Variants in CYP24A1 observed in about 807,000 individuals in gnomAD.
CYP24A1 encodes the protein cytochrome P450 family 24 subfamily A member 1.
A neutral mutation model predicts 62.4 loss-of-function variants in CYP24A1; 68 were observed. The observed-to-expected ratio is 1.09, with a 90% CI of 0.90 to 1.33. The LOEUF (loss-of-function observed/expected upper bound fraction) is 1.33. Among genes scored for constraint, CYP24A1 ranks in the 40% most tolerant of loss-of-function variants. The probability of loss-of-function intolerance (pLI) is 0.00; values close to 1 mark genes in which losing one functional copy is unlikely to be tolerated. For missense variants in CYP24A1, 787 were observed against 653.0 expected (o/e 1.21, Z -2.24); for synonymous variants, 267 against 253.0 (o/e 1.06, Z -0.52).
intron 8 of CYP24A1, 102 bp from the exon 9 acceptor site, chr20:54,158,266 C>T (rs1193736564): frequency 6.4e-6 from 10 of 1,566,898 alleles, no homozygotes; most frequent in South Asian, 3.5e-5. Context: ...TGCCCAAGTG[C>T]ATACTCAAAG....
chr20:54,164,511 C>T lies in CYP24A1; in HGVS notation c.785G>A (p.Ser262Asn). ...GTCCTGCCAGACCTTGGTGTTGAGG[C>T]TCTTGTGCAGCTCGACTGGAGTGAC... is the stretch of plus-strand genomic sequence containing the variant. ...MMVTPVELHK[S>N]LNTKVWQDHT... is the part of the protein sequence containing the mutation. The change falls in exon 6 of 12, where the codon AGC becomes AAC. Residue 262 changes from serine to asparagine, a missense_variant. Coordinates refer to ENST00000216862, the MANE Select transcript of CYP24A1 (RefSeq NM_000782.5). 1 of 1,614,120 alleles carries T rather than the reference C, an allele frequency of 6.2e-7. No homozygotes were observed. Among genetic ancestry groups the T allele is most frequent in the Non-Finnish European group, 8.5e-7 (1 of 1,180,022 alleles).
At chr20:54,155,768 T>G (rs1167934119) in intron 11 of CYP24A1, among the ~76,000 whole-genome samples, 2 of 151,450 alleles carry the variant, frequency 1.3e-5, no homozygotes, top group East Asian at 3.9e-4. Context: ...AATTAGGGCC[T>G]TCTTAGGCTA....
chr20:54,158,214 T>C, intron 8 of CYP24A1, 50 bp from the exon 9 acceptor site: 1 of 1,610,094 alleles, frequency 6.2e-7, no homozygotes, highest in South Asian at 1.1e-5. Flanking sequence ...CTAAGTTCTC[T>C]CTGAAGTGTC....
downstream of CYP24A1, among the ~76,000 whole-genome samples, chr20:54,149,297 G>A (rs113257291): frequency 2.0e-3 from 306 of 152,268 alleles, 2 homozygotes; most frequent in African/African-American, 7.2e-3. Flanking sequence ...TAGTGACTCA[G>A]GGCAATTGTG....
intron 7 of CYP24A1, among the ~76,000 whole-genome samples, chr20:54,160,355 T>C (rs376259545): frequency 1.7e-4 from 26 of 152,366 alleles, no homozygotes; most frequent in African/African-American, 5.8e-4. Context: ...TAGTCATATG[T>C]ATTTATTTTT....
In CYP24A1 at chr20:54,157,379, AG is replaced by A. The variant is rs2092632602; in HGVS notation, c.1434+8del. On this transcript the variant is annotated splice_region_variant and intron_variant, in intron 10 of 11. Transcript: ENST00000216862. ...AGAACATAATTGCAGAAACCGGTAA[AG>A]GTTTTACCCAACAAAGAGCCAAATG... is the stretch of plus-strand genomic sequence containing the variant. 6.4e-7 allele frequency: 1 copy of A among 1,563,332 alleles called. No homozygotes were observed. The highest frequency in any genetic ancestry group is 1.7e-5 in the Admixed American group (1 of 59,940).
At position 54,157,259 on chromosome 20, in the gene CYP24A1, C is replaced by G. The variant is rs780242071; in HGVS notation, c.1465G>C (p.Asp489His). The G allele has an allele frequency of 6.2e-7, 1 of 1,612,734 alleles. No homozygotes were observed. The highest frequency in any genetic ancestry group is 8.5e-7 in the Non-Finnish European group (1 of 1,178,790). The change falls in exon 11 of 12, where the codon GAC (aspartate) becomes CAC (histidine). Residue 489 changes from aspartate to histidine, a missense_variant. By Grantham distance (81) the Asp-to-His change is moderately conservative. Coordinates refer to ENST00000216862, the MANE Select transcript of CYP24A1 (RefSeq NM_000782.5). ...IVRKYDIQAT[D>H]NEPVEMLHSG... The stretch of plus-strand genomic sequence containing the variant: ...TGTAGCATCTCAACAGGCTCATTGT[C>G]TGTGGCCTGGATGTCGTATTTGCGG...
At chr20:54,145,595 G>A in the CYP24A1 span, among the ~76,000 whole-genome samples, 2 of 146,728 alleles carry the variant, frequency 1.4e-5, no homozygotes, top group African/African-American at 2.6e-5. Context: ...AGCCAAGATC[G>A]TGCCACTGCA....
chr20:54,148,055 C>T, the CYP24A1 span, among the ~76,000 whole-genome samples: 3,738 of 152,194 alleles, frequency 0.025, 287 homozygotes, highest in Admixed American at 0.16. Context: ...AGGCTGGTCC[C>T]GAACTCTCGA....
At position 54,157,361 on chromosome 20, in the gene CYP24A1, A is replaced by G. The variant is rs748234617; in HGVS notation, c.1434+27T>C. On this transcript the variant is annotated intron_variant, in intron 10 of 11. Coordinates refer to ENST00000216862, the MANE Select transcript of CYP24A1 (RefSeq NM_000782.5). ...TGCCTTGTGAAACAGCACAGAACAT[A>G]ATTGCAGAAACCGGTAAAGGTTTTA... is the stretch of plus-strand genomic sequence containing the variant. 5.9e-6 allele frequency: 9 copies of G among 1,522,434 alleles called. No homozygotes were observed. The Admixed American group carries it at 1.3e-4, about 23-fold the overall frequency. The allele number at this position is 1,522,434 out of a possible 1,614,324, so 94.3% of individuals were successfully genotyped here. A position where few individuals can be genotyped will look rare whatever the true frequency, so the allele number is the denominator to read the frequency against.
At chr20:54,170,057 G>A (rs1375605786) in intron 3 of CYP24A1, among the ~76,000 whole-genome samples, 1 of 152,150 alleles carries the variant, frequency 6.6e-6, no homozygotes, top group Non-Finnish European at 1.5e-5. Context: ...CTCAAGGATT[G>A]TGTTGCAGCA....
At chr20:54,158,412 T>C (rs1347521683) in intron 8 of CYP24A1, among the ~76,000 whole-genome samples, 1 of 152,162 alleles carries the variant, frequency 6.6e-6, no homozygotes, top group East Asian at 1.9e-4. Flanking sequence ...ACGTTGGTTT[T>C]CCCCCTTCAT....
chr20:54,173,101 T>G lies in CYP24A1; in HGVS notation c.259-2A>C, dbSNP rs1366689110. 1 of 1,602,196 alleles carries G rather than the reference T, an allele frequency of 6.2e-7. No homozygotes were observed. Among genetic ancestry groups the G allele is most frequent in the Non-Finnish European group, 8.5e-7 (1 of 1,179,886 alleles). On this transcript the variant is annotated splice_acceptor_variant, in intron 1 of 11. Transcript: ENST00000216862. LOFTEE classifies it high-confidence loss of function. This position sits in a 1 kb window ranked among gnomAD's most constrained non-coding sequence, Gnocchi z 7.2. ...GCCATACTTCTTGTGGTACTCCACCTGCAGCCGGCCGGGCACAGCGCGGTG... is the reference window on the plus strand; with the variant it reads ...GCCATACTTCTTGTGGTACTCCACCGGCAGCCGGCCGGGCACAGCGCGGTG...
In CYP24A1 at chr20:54,168,472, A is replaced by G. The variant is rs572814202; in HGVS notation, c.640+1120T>C. 1.1e-3 allele frequency among the ~76,000 whole-genome samples: 161 copies of G among 151,708 alleles called. 1 individual carries two copies. In the Middle Eastern group the frequency reaches 0.031, roughly 29 times the overall value. ...CCTCCCAGCTTGTTCATCGTGATCCACTCACACCAGCAGCTTGAAGTTCCT... is the reference window on the plus strand; with the variant it reads ...CCTCCCAGCTTGTTCATCGTGATCCGCTCACACCAGCAGCTTGAAGTTCCT... On this transcript the variant is annotated intron_variant, in intron 4 of 11. Transcript: ENST00000216862.
Position 54,157,251 on chromosome 20 carries a change from C to T in CYP24A1, c.1473G>A (p.Glu491=). 2 of 1,613,364 alleles carry T rather than the reference C, an allele frequency of 1.2e-6. No homozygotes were observed. The highest frequency in any genetic ancestry group is 1.7e-6 in the Non-Finnish European group (2 of 1,179,384). ...RKYDIQATDN[E]PVEMLHSGTL... ...TGCCTGAGTGTAGCATCTCAACAGGCTCATTGTCTGTGGCCTGGATGTCGT... is the reference window on the plus strand; with the variant it reads ...TGCCTGAGTGTAGCATCTCAACAGGTTCATTGTCTGTGGCCTGGATGTCGT... The change falls in exon 11 of 12, where the codon GAG becomes GAA. Residue 491 remains glutamate (E), a synonymous_variant. Coordinates refer to ENST00000216862, the MANE Select transcript of CYP24A1 (RefSeq NM_000782.5).
chr20:54,173,129 A>G lies in CYP24A1; in HGVS notation c.259-30T>C. 6.3e-7 allele frequency: 1 copy of G among 1,599,060 alleles called. No homozygotes were observed. The highest frequency in any genetic ancestry group is 8.5e-7 in the Non-Finnish European group (1 of 1,178,030). ...AGCCGGCCGGGCACAGCGCGGTGTC[A>G]GCGCGCATCCTCCGCCGTGCCCGAA... On this transcript the variant is annotated intron_variant, in intron 1 of 11. Transcript: ENST00000216862. The surrounding 1 kb of genome is among the most constrained non-coding windows in gnomAD (Gnocchi z 7.2).
At position 54,171,842 on chromosome 20, in the gene CYP24A1, T is replaced by A; in HGVS notation, c.450-172A>T. 6.9e-6 allele frequency: 10 copies of A among 1,440,212 alleles called. No homozygotes were observed. The South Asian group carries it at 9.3e-5, about 13-fold the overall frequency. 89.2% of individuals were successfully genotyped at this position (1,440,212 alleles called of 1,614,324 possible). On this transcript the variant is annotated intron_variant, in intron 2 of 11. Transcript: ENST00000216862. ...AATATTTGGGATAAAATAGTGATCATCTTTTGACAATAGTTTGACAATAGG... is the reference window on the plus strand; with the variant it reads ...AATATTTGGGATAAAATAGTGATCAACTTTTGACAATAGTTTGACAATAGG...
At chr20:54,149,364 G>A (rs930412847), downstream of CYP24A1, among the ~76,000 whole-genome samples, 3 of 152,150 alleles carry the variant, frequency 2.0e-5, no homozygotes, top group African/African-American at 7.2e-5. Context: ...ACACCTTTCT[G>A]GTCCCTATTC....
chr20:54,162,943 C>T (rs1047915718), intron 6 of CYP24A1, 81 bp from the exon 7 acceptor site: 1 of 812,184 alleles, frequency 1.2e-6, no homozygotes, highest in Non-Finnish European at 2.2e-6. Flanking sequence ...TCAGTCCAAA[C>T]TCCTTCTTGC....
Sources: gnomAD v4.1 joint callset for allele counts (sites outside exome capture counted in the v4.1 genomes callset) on GRCh38, gnomAD v4.1.1 for gene constraint, Gnocchi (gnomAD v3.1) non-coding constraint, MANE v1.5 for transcripts, NCBI Gene and HGNC (gene_info 2026-07-23, HGNC 2026-07-21) for gene names.